Variants in PCDHGB1 observed in about 807,000 individuals in gnomAD.
The protein encoded by PCDHGB1 is protocadherin gamma subfamily B, 1, also known as protocadherin gamma-B1.
Under a neutral mutation model 56.6 loss-of-function variants are expected in PCDHGB1, and 34 were observed. The ratio of observed to expected loss-of-function variants is 0.60; its 90% CI spans 0.46 to 0.80. The LOEUF (loss-of-function observed/expected upper bound fraction) is 0.80. Among genes scored for constraint, PCDHGB1 ranks in the 30% least tolerant of loss-of-function variants. The pLI is 0.00. For missense variants in PCDHGB1, 1,278 were observed against 1,204.6 expected, an observed-to-expected ratio of 1.06 and a Z score of -0.90; for synonymous variants, 561 against 505.9, an observed-to-expected ratio of 1.11 and a Z score of -1.46.
In PCDHGB1 at chr5:141,423,512, C is replaced by T. The variant is rs765694240; in HGVS notation, c.2409+70843C>T. 55 of 1,613,552 alleles carry T rather than the reference C, an allele frequency of 3.4e-5. No individual in the cohort carries two copies. The highest frequency in any genetic ancestry group is 2.8e-4 in the African/African-American group (21 of 74,924). On this transcript the variant is annotated intron_variant, in intron 1 of 3. Coordinates refer to ENST00000523390, the MANE Select transcript of PCDHGB1 (RefSeq NM_018922.3). ...TATTCCCACGAGGTCTCTCTCATTGCGGACTCGCAGAAGAGTCACCTGATT... is the reference window on the plus strand; with the variant it reads ...TATTCCCACGAGGTCTCTCTCATTGTGGACTCGCAGAAGAGTCACCTGATT...
At chr5:141,419,554 T>C (rs775925543) in intron 1 of PCDHGB1, 1 of 1,612,006 alleles carries the variant, frequency 6.2e-7, no homozygotes, top group Non-Finnish European at 8.5e-7. Flanking sequence ...TGCTGTACCC[T>C]GCGCTGGGTC....
At chr5:141,390,024 CG>C (rs1561629846) in intron 1 of PCDHGB1, 1 of 1,614,044 alleles carries the variant, frequency 6.2e-7, no homozygotes, top group African/African-American at 1.3e-5. Context: ...CTTGCGCCTG[CG>C]ACGCTCCTCC....
At position 141,479,006 on chromosome 5, in the gene PCDHGB1, T is replaced by C. The variant is rs148063283; in HGVS notation, c.2410-15801T>C. On this transcript the variant is annotated intron_variant, in intron 1 of 3. Transcript: ENST00000523390. ...ACATTTGTATTAAAACTAATAGCTT[T>C]TTGATAATTTTCCTTTGTTTATACA... Among the ~76,000 whole-genome samples the C allele has an allele frequency of 1.2e-3, 179 of 152,340 alleles. 2 individuals are homozygous for C. The highest frequency in any genetic ancestry group is 0.011 in the Admixed American group (170 of 15,300).
intron 1 of PCDHGB1, chr5:141,361,052 A>T: frequency 6.2e-7 from 1 of 1,613,800 alleles, no homozygotes; most frequent in South Asian, 1.1e-5. Flanking sequence ...ACAAAGGATG[A>T]TTTGGATTTT....
At chr5:141,376,348 C>G in intron 1 of PCDHGB1, 6 of 1,614,184 alleles carry the variant, frequency 3.7e-6, no homozygotes, top group Non-Finnish European at 5.1e-6. Context: ...CCTATTCCCA[C>G]GAGGTCTCAC....
rs768509409 is a variant in PCDHGB1 at position 141,489,236 on chromosome 5, G to C, written c.2410-5571G>C. 1 of 1,531,176 alleles carries C rather than the reference G, an allele frequency of 6.5e-7. No homozygotes were observed. 94.8% of individuals were successfully genotyped at this position (1,531,176 alleles called of 1,614,324 possible). On this transcript the variant is annotated intron_variant, in intron 1 of 3. Transcript: ENST00000523390. The surrounding 1 kb of genome is among the most constrained non-coding windows in gnomAD (Gnocchi z 4.5). The stretch of plus-strand genomic sequence containing the variant: ...ACTTACTCTCCACAAAGGGACTTCT[G>C]GGTCATGGGGCCCAAGACACTCCCA...
chr5:141,428,065 C>T lies in PCDHGB1; in HGVS notation c.2410-66742C>T, dbSNP rs1028782772. 6 of 1,609,086 alleles carry T rather than the reference C, an allele frequency of 3.7e-6. No individual in the cohort carries two copies. The African/African-American group carries it at 6.7e-5, about 18-fold the overall frequency. ...GTGACCAAGGTGGTGGCGGTGGACGCAGATTCGGGACACAACGCTTGGCTG... is the reference window on the plus strand; with the variant it reads ...GTGACCAAGGTGGTGGCGGTGGACGTAGATTCGGGACACAACGCTTGGCTG... On this transcript the variant is annotated intron_variant, in intron 1 of 3. Coordinates refer to ENST00000523390, the MANE Select transcript of PCDHGB1 (RefSeq NM_018922.3).
chr5:141,434,724 C>T (rs2097712360), intron 1 of PCDHGB1, among the ~76,000 whole-genome samples: 2 of 151,800 alleles, frequency 1.3e-5, no homozygotes, highest in Admixed American at 1.3e-4. Flanking sequence ...GTTCAGGGCT[C>T]TCAGCTCTGA....
chr5:141,421,991 A>T, intron 1 of PCDHGB1: 1 of 1,608,656 alleles, frequency 6.2e-7, no homozygotes, highest in Non-Finnish European at 8.5e-7. Context: ...GTTCCAGAAA[A>T]CATCAGCTCC....
At chr5:141,438,591 CATATATAT>C (rs946798767) in intron 1 of PCDHGB1, among the ~76,000 whole-genome samples, 35 of 75,562 alleles carry the variant, frequency 4.6e-4, no homozygotes, top group South Asian at 1.0e-3. Flanking sequence ...TACATACATA[CATATATAT>C]ATATATATAT....
intron 1 of PCDHGB1, chr5:141,376,235 C>T: frequency 1.2e-6 from 2 of 1,614,198 alleles, no homozygotes; most frequent in Non-Finnish European, 1.7e-6. Flanking sequence ...CAGACTGCAG[C>T]GCTGGCACAA....
intron 1 of PCDHGB1, among the ~76,000 whole-genome samples, chr5:141,443,727 A>T: frequency 6.6e-6 from 1 of 152,220 alleles, no homozygotes; most frequent in Non-Finnish European, 1.5e-5. Context: ...AATTCCTCAT[A>T]CATTTCCCTA....
At chr5:141,483,737 G>A (rs1052778197) in intron 1 of PCDHGB1, among the ~76,000 whole-genome samples, 4 of 152,102 alleles carry the variant, frequency 2.6e-5, no homozygotes, top group South Asian at 2.1e-4. Context: ...TAGTCAAAAG[G>A]ATATTCCTGA....
intron 1 of PCDHGB1, chr5:141,492,027 A>T (rs1157170828): frequency 8.8e-6 from 5 of 565,466 alleles, no homozygotes; most frequent in African/African-American, 7.7e-5. Flanking sequence ...GGGTCCCGGG[A>T]GGAGGCAGTC....
chr5:141,507,296 C>T (rs1020117646), intron 3 of PCDHGB1: 1 of 141,360 alleles, frequency 7.1e-6, no homozygotes, highest in Non-Finnish European at 1.5e-5. Flanking sequence ...TCAAATGTTG[C>T]ATGAGACATA....
At chr5:141,389,766 C>G in intron 1 of PCDHGB1, 1 of 1,613,060 alleles carries the variant, frequency 6.2e-7, no homozygotes, top group Non-Finnish European at 8.5e-7. Flanking sequence ...GCGCACAGCG[C>G]GTGCCTTAGG....
chr5:141,499,268 G>C (rs564234341), intron 2 of PCDHGB1, among the ~76,000 whole-genome samples: 1 of 152,224 alleles, frequency 6.6e-6, no homozygotes, highest in South Asian at 2.1e-4. Flanking sequence ...TTGGTCCCTA[G>C]ACTGTTCTCT....
At chr5:141,443,199 G>C (rs936013020) in intron 1 of PCDHGB1, among the ~76,000 whole-genome samples, 1 of 152,002 alleles carries the variant, frequency 6.6e-6, no homozygotes. Context: ...ATAGTACAAA[G>C]AGCTTGTCTC....
At chr5:141,417,680 A>G (rs1236124418) in intron 1 of PCDHGB1, 21 of 1,016,072 alleles carry the variant, frequency 2.1e-5, no homozygotes, top group Non-Finnish European at 2.9e-5. Context: ...AGCCAACAAC[A>G]GAAAAGAAAA....
Sources: allele counts gnomAD v4.1 joint callset (sites outside exome capture counted in the v4.1 genomes callset), GRCh38; gene constraint gnomAD v4.1.1; non-coding constraint Gnocchi (gnomAD v3.1); transcripts MANE v1.5; gene names NCBI Gene and HGNC (gene_info 2026-07-23, HGNC 2026-07-21).